The following DNAH11 variants were observed in gnomAD, a reference collection of about 807,000 sequenced individuals.
The protein encoded by DNAH11 is axonemal beta dynein heavy chain 11.
A neutral mutation model predicts 526.0 loss-of-function variants in DNAH11; 442 were observed. That is an observed-to-expected ratio of 0.84 (90% CI 0.78 to 0.91). DNAH11 has a LOEUF of 0.91. DNAH11 is among the 40% of genes least tolerant of loss of function. The pLI, the probability that DNAH11 is intolerant of heterozygous loss-of-function variation, is 0.00. For missense variants in DNAH11, 6,989 were observed against 5,448.7 expected, an observed-to-expected ratio of 1.28 and a Z score of -8.90; for synonymous variants, 2,461 against 1,935.9, an observed-to-expected ratio of 1.27 and a Z score of -7.12.
intron 29 of DNAH11, among the ~76,000 whole-genome samples, chr7:21,658,084 TATAAC>T (rs1459857114): frequency 3.3e-5 from 5 of 152,092 alleles, no homozygotes; most frequent in African/African-American, 1.2e-4. Context: ...CCTGGATTAA[TATAAC>T]AAAATACATT....
chr7:21,624,332 G>C (rs954042668), intron 25 of DNAH11, among the ~76,000 whole-genome samples: 2 of 152,108 alleles, frequency 1.3e-5, no homozygotes, highest in Non-Finnish European at 1.5e-5. Flanking sequence ...TATTGTGAAT[G>C]GGATTGATTT....
At chr7:21,739,769 G>A (rs914069513) in intron 48 of DNAH11, 96 bp downstream of exon 48, 13 of 889,636 alleles carry the variant, frequency 1.5e-5, no homozygotes, top group Middle Eastern at 2.3e-4. Context: ...TGTTAAGCAC[G>A]TTTCTCATGG....
intron 18 of DNAH11, among the ~76,000 whole-genome samples, chr7:21,604,144 G>T (rs1473923945): frequency 6.6e-6 from 1 of 152,100 alleles, no homozygotes; most frequent in Non-Finnish European, 1.5e-5. Context: ...ACTTGTCTAT[G>T]CTTAGTTCTG....
chr7:21,825,021 G>C (rs1790218285), intron 65 of DNAH11, among the ~76,000 whole-genome samples: 1 of 152,100 alleles, frequency 6.6e-6, no homozygotes, highest in South Asian at 2.1e-4. Context: ...ACAGGCGCCT[G>C]CCACCAGGCC....
At position 21,591,533 on chromosome 7, in the gene DNAH11, A is replaced by G. The variant is rs1446439661; in HGVS notation, c.2623A>G (p.Lys875Glu). 6.3e-7 allele frequency: 1 copy of G among 1,593,104 alleles called. No individual in the cohort carries two copies. Among genetic ancestry groups the G allele is most frequent in the Non-Finnish European group, 8.6e-7 (1 of 1,165,636 alleles). ...GGGTGATTTGTTTACAAAAAAATAC[A>G]AGTTAATCCAAGGAGATGGCTGCAA... ...DKGDLFTKKYKLIQGDGCKIH... is the reference protein window; with the variant it reads ...DKGDLFTKKYELIQGDGCKIH... Residue 875 changes from lysine (K) to glutamate (E), a missense_variant, in exon 14 of 82, where the codon AAG (lysine) becomes GAG (glutamate). Lys to Glu is a moderately conservative substitution (Grantham distance 56, BLOSUM62 1). Transcript: ENST00000409508.
At chr7:21,859,003 T>G (rs1782958191) in intron 68 of DNAH11, among the ~76,000 whole-genome samples, 1 of 152,212 alleles carries the variant, frequency 6.6e-6, no homozygotes, top group Non-Finnish European at 1.5e-5. Context: ...AGTGGAAAAT[T>G]CTACACCTGA....
chr7:21,578,089 G>A (rs1784168867), intron 8 of DNAH11, among the ~76,000 whole-genome samples: 1 of 152,122 alleles, frequency 6.6e-6, no homozygotes, highest in African/African-American at 2.4e-5. Flanking sequence ...TTCACATAGT[G>A]TTCAGAGAGA....
At chr7:21,592,202 C>A (rs1037345881) in intron 14 of DNAH11, among the ~76,000 whole-genome samples, 3 of 152,104 alleles carry the variant, frequency 2.0e-5, no homozygotes, top group African/African-American at 7.2e-5. Flanking sequence ...GAGAAAAGAA[C>A]AAATAGATAT....
intron 43 of DNAH11, among the ~76,000 whole-genome samples, chr7:21,719,634 C>A (rs1236956689): frequency 1.3e-5 from 2 of 152,046 alleles, no homozygotes; most frequent in Non-Finnish European, 2.9e-5. Context: ...AAGATTATTT[C>A]AAATTGGCAA....
intron 20 of DNAH11, among the ~76,000 whole-genome samples, chr7:21,609,839 G>T (rs1219235543): frequency 2.6e-5 from 4 of 152,214 alleles, no homozygotes; most frequent in Non-Finnish European, 5.9e-5. Flanking sequence ...TCATGGGGAA[G>T]TAGAAGATGC....
Position 21,842,536 on chromosome 7 carries a change from C to T in DNAH11, c.10692-8C>T, listed in dbSNP as rs1562578557. 2 of 1,611,890 alleles carry T rather than the reference C, an allele frequency of 1.2e-6. No homozygotes were observed. Among genetic ancestry groups the T allele is most frequent in the Non-Finnish European group, 1.7e-6 (2 of 1,178,614 alleles). On this transcript the variant is annotated splice_polypyrimidine_tract_variant and splice_region_variant and intron_variant, in intron 65 of 81. Transcript: ENST00000409508. Reference sequence around the variant, plus strand: ...GTCTCCTGAAAGTCTGTGTTTTGCTCCGTTTAGGTATATCAGGATTGGAGA... The same window carrying T: ...GTCTCCTGAAAGTCTGTGTTTTGCTTCGTTTAGGTATATCAGGATTGGAGA...
At chr7:21,616,563 A>G (rs1427507614) in intron 22 of DNAH11, among the ~76,000 whole-genome samples, 1 of 152,152 alleles carries the variant, frequency 6.6e-6, no homozygotes, top group Non-Finnish European at 1.5e-5. Context: ...TAGAACAGAG[A>G]GGAACATTAT....
intron 30 of DNAH11, among the ~76,000 whole-genome samples, chr7:21,674,843 C>T (rs1052981117): frequency 2.0e-5 from 3 of 151,968 alleles, no homozygotes; most frequent in East Asian, 1.9e-4. Context: ...TGCCTCCCAA[C>T]GTGCCCAACT....
intron 67 of DNAH11, among the ~76,000 whole-genome samples, chr7:21,853,654 C>G (rs1048142988): frequency 2.0e-5 from 3 of 152,026 alleles, no homozygotes; most frequent in Non-Finnish European, 2.9e-5. Context: ...AGCAGTAGTC[C>G]TAGATAAAAG....
chr7:21,822,944 A>C, intron 65 of DNAH11, among the ~76,000 whole-genome samples: 1 of 106,694 alleles, frequency 9.4e-6, no homozygotes, highest in Non-Finnish European at 2.0e-5. Flanking sequence ...CCATTTTTAA[A>C]TCAGATTATT....
At chr7:21,623,815 T>C (rs1183958017) in intron 25 of DNAH11, among the ~76,000 whole-genome samples, 2 of 75,408 alleles carry the variant, frequency 2.7e-5, no homozygotes, top group African/African-American at 1.1e-4. Context: ...GGGACTGTTG[T>C]GGGGTGGGGG....
chr7:21,742,142 G>C lies in DNAH11; in HGVS notation c.8130G>C (p.Leu2710=). The C allele has an allele frequency of 1.9e-6, 3 of 1,613,834 alleles. No individual in the cohort carries two copies. The highest frequency in any genetic ancestry group is 2.5e-6 in the Non-Finnish European group (3 of 1,179,828). The change falls in exon 49 of 82, where the codon CTG becomes CTC. Residue 2710 remains leucine (L), a synonymous_variant. Transcript: ENST00000409508. ...TTAAATTCCACTACATCTTTAATCT[G>C]AGAGATTTATCAAACGTCTTCCAGG... ...TAIKFHYIFN[L]RDLSNVFQGI...
chr7:21,856,026 C>T (rs368277282), intron 68 of DNAH11, among the ~76,000 whole-genome samples: 37 of 152,106 alleles, frequency 2.4e-4, no homozygotes, highest in African/African-American at 8.7e-4. Flanking sequence ...TTGGAGAAAA[C>T]AGGAATGTGT....
intron 2 of DNAH11, among the ~76,000 whole-genome samples, chr7:21,555,837 C>T (rs1783198083): frequency 1.3e-5 from 2 of 152,250 alleles, no homozygotes; most frequent in South Asian, 2.1e-4. Context: ...TTTCTGCTCT[C>T]GACTGGAGTC....
Sources: gnomAD v4.1 joint callset for allele counts (sites outside exome capture counted in the v4.1 genomes callset) on GRCh38, gnomAD v4.1.1 for gene constraint, MANE v1.5 for transcripts, NCBI Gene and HGNC (gene_info 2026-07-23, HGNC 2026-07-21) for gene names.